The following NIM1K variants were observed in gnomAD, a reference collection of about 807,000 sequenced individuals.
NIM1K encodes the protein serine/threonine-protein kinase NIM1.
A neutral mutation model predicts 37.1 loss-of-function variants in NIM1K; 35 were observed. The observed-to-expected ratio is 0.94, with a 90% CI of 0.72 to 1.25. The LOEUF is 1.25. Among genes scored for constraint, NIM1K ranks in the 50% most tolerant of loss-of-function variants. The probability of loss-of-function intolerance (pLI) is 0.00; values close to 1 mark genes in which losing one functional copy is unlikely to be tolerated. For missense variants in NIM1K, 564 were observed against 548.0 expected (o/e 1.03, Z -0.29); for synonymous variants, 234 against 206.6 (o/e 1.13, Z -1.14).
chr5:43,233,161 T>G (rs1752566684), intron 1 of NIM1K: 1 of 1,290,770 alleles, frequency 7.7e-7, no homozygotes, highest in South Asian at 1.2e-5. Flanking sequence ...GAGATGGAGA[T>G]GCGGTCACGC....
intron 1 of NIM1K, among the ~76,000 whole-genome samples, chr5:43,212,748 T>A (rs971091938): frequency 6.6e-5 from 10 of 152,132 alleles, no homozygotes; most frequent in Non-Finnish European, 1.3e-4. Flanking sequence ...GCTAAATATA[T>A]CACTGCGATT....
chr5:43,207,934 C>T, intron 1 of NIM1K: 1 of 471,090 alleles, frequency 2.1e-6, no homozygotes, highest in Non-Finnish European at 2.8e-6. Flanking sequence ...TTTTTTTAAA[C>T]TATTATTTTT....
chr5:43,267,355 G>T (rs925253362), intron 2 of NIM1K, among the ~76,000 whole-genome samples: 2 of 152,016 alleles, frequency 1.3e-5, no homozygotes, highest in Admixed American at 1.3e-4. Context: ...TCTCCTCTTA[G>T]TTAATCTAGT....
intron 3 of NIM1K, among the ~76,000 whole-genome samples, chr5:43,277,817 A>T (rs13170455): frequency 0.14 from 13,915 of 102,932 alleles, 596 homozygotes; most frequent in African/African-American, 0.21. Flanking sequence ...TGTGTGTGTG[A>T]GAGAGAGAGA....
chr5:43,240,726 G>A (rs1295424554), intron 1 of NIM1K, among the ~76,000 whole-genome samples: 7 of 151,732 alleles, frequency 4.6e-5, no homozygotes, highest in African/African-American at 1.7e-4. Context: ...TAGTAGAAAC[G>A]GGGTTTCACC....
chr5:43,262,159 A>G (rs150244466), intron 2 of NIM1K, among the ~76,000 whole-genome samples: 4,880 of 152,126 alleles, frequency 0.032, 290 homozygotes, highest in African/African-American at 0.11. Flanking sequence ...GTCATTGGTA[A>G]CTTGATGGGG....
chr5:43,243,342 G>T (rs1301129416), intron 1 of NIM1K, among the ~76,000 whole-genome samples: 2 of 152,088 alleles, frequency 1.3e-5, no homozygotes, highest in Non-Finnish European at 2.9e-5. Context: ...GTGTTTTTCT[G>T]CCAGGAATCT....
rs1753265347 is a variant in NIM1K at position 43,272,110 on chromosome 5, A to G, written c.293-4947A>G. 2.0e-5 allele frequency among the ~76,000 whole-genome samples: 3 copies of G among 152,320 alleles called. No homozygotes were observed. In the South Asian group the frequency reaches 6.2e-4, roughly 32 times the overall value. ...TCTTTGCAGTTAGGAGCTATTATCA[A>G]TAAAGCAACTAATGATGTTGAATAT... is the stretch of plus-strand genomic sequence containing the variant. On this transcript the variant is annotated intron_variant, in intron 2 of 3. Transcript: ENST00000326035.
chr5:43,210,166 GGGAAGGGAGGAGAGA>G (rs1289464241), intron 1 of NIM1K, among the ~76,000 whole-genome samples: 2 of 151,138 alleles, frequency 1.3e-5, no homozygotes, highest in Admixed American at 1.3e-4. Context: ...CAGAGGGGAG[GGGAAGGGAGGAGAGA>G]GGAAGGGAGG....
intron 1 of NIM1K, among the ~76,000 whole-genome samples, chr5:43,243,907 G>A (rs965102257): frequency 1.3e-5 from 2 of 152,146 alleles, no homozygotes; most frequent in Non-Finnish European, 1.5e-5. Context: ...TCTTAAAAAT[G>A]TTTTTAAAAA....
At chr5:43,227,548 T>C (rs778336183) in intron 1 of NIM1K, among the ~76,000 whole-genome samples, 10 of 152,174 alleles carry the variant, frequency 6.6e-5, no homozygotes, top group Non-Finnish European at 1.0e-4. Flanking sequence ...ACTCCTTTGC[T>C]ACCCTTTGCC....
intron 2 of NIM1K, among the ~76,000 whole-genome samples, chr5:43,268,442 G>T (rs977645322): frequency 1.3e-5 from 2 of 152,204 alleles, no homozygotes; most frequent in African/African-American, 4.8e-5. Context: ...TTGGGTTGGA[G>T]ATGAAATCAT....
intron 1 of NIM1K, among the ~76,000 whole-genome samples, chr5:43,213,628 G>A (rs1752253312): frequency 6.6e-6 from 1 of 152,166 alleles, no homozygotes; most frequent in South Asian, 2.1e-4. Context: ...AGAGTAGCTG[G>A]GATTACAGGT....
At chr5:43,199,678 A>G (rs1040864582) in intron 1 of NIM1K, among the ~76,000 whole-genome samples, 3 of 152,198 alleles carry the variant, frequency 2.0e-5, no homozygotes, top group African/African-American at 7.2e-5. Context: ...TCTCAGAGCT[A>G]TCCCTATCTT....
chr5:43,247,232 G>A (rs896425974), intron 2 of NIM1K, among the ~76,000 whole-genome samples: 4 of 152,072 alleles, frequency 2.6e-5, no homozygotes, highest in Non-Finnish European at 4.4e-5. Context: ...GTGTATCTGG[G>A]TTCATGTCTT....
Position 43,221,464 on chromosome 5 carries a change from A to G in NIM1K, c.-694-23618A>G, listed in dbSNP as rs199687886. 9.3e-3 allele frequency among the ~76,000 whole-genome samples: 1,407 copies of G among 151,716 alleles called. 81 individuals are homozygous for G. The East Asian group carries it at 0.15, about 16-fold the overall frequency. ...GACTGTCTCAAAAAAAAAAAAAAAA[A>G]AAAAGAAAAGGAAAAAGATAGAAAA... On this transcript the variant is annotated intron_variant, in intron 1 of 3. Transcript: ENST00000326035.
At chr5:43,200,173 G>A (rs144119399) in intron 1 of NIM1K, among the ~76,000 whole-genome samples, 2 of 151,274 alleles carry the variant, frequency 1.3e-5, no homozygotes, top group African/African-American at 4.8e-5. Context: ...GCACCCGGCC[G>A]TCCTAGTGCA....
chr5:43,264,802 G>GT (rs1330944525), intron 2 of NIM1K, among the ~76,000 whole-genome samples: 2 of 152,114 alleles, frequency 1.3e-5, no homozygotes, highest in Non-Finnish European at 2.9e-5. Flanking sequence ...AGGAGCTCTT[G>GT]AAGGCAGGCC....
intron 1 of NIM1K, among the ~76,000 whole-genome samples, chr5:43,204,704 CAAAA>C (rs59833557): frequency 7.9e-6 from 1 of 125,920 alleles, no homozygotes; most frequent in Non-Finnish European, 1.7e-5. Context: ...GGCTCTGTCT[CAAAA>C]AAAAAAAAAA....
Sources: gnomAD v4.1 joint callset for allele counts (sites outside exome capture counted in the v4.1 genomes callset) on GRCh38, gnomAD v4.1.1 for gene constraint, MANE v1.5 for transcripts, NCBI Gene and HGNC (gene_info 2026-07-23, HGNC 2026-07-21) for gene names.